The following ESRP1 variants were observed in gnomAD, a reference collection of about 807,000 sequenced individuals.
ESRP1 encodes RNA-binding motif protein 35A.
Under a neutral mutation model 81.7 loss-of-function variants are expected in ESRP1, and 33 were observed. That is an observed-to-expected ratio of 0.40 (90% CI 0.31 to 0.54). The LOEUF (loss-of-function observed/expected upper bound fraction) is 0.54. ESRP1 is among the 20% of genes least tolerant of loss of function. The pLI is 0.41. For missense variants in ESRP1, 672 were observed against 833.1 expected (o/e 0.81, Z 2.38); for synonymous variants, 320 against 303.3 (o/e 1.06, Z -0.57).
chr8:94,687,800 C>G (rs1043373224), intron 13 of ESRP1, among the ~76,000 whole-genome samples: 2 of 151,978 alleles, frequency 1.3e-5, no homozygotes, highest in African/African-American at 2.4e-5. Flanking sequence ...TTCATATATT[C>G]TAAATATGAG....
chr8:94,672,337 A>G (rs1819369359), intron 11 of ESRP1, among the ~76,000 whole-genome samples: 1 of 152,174 alleles, frequency 6.6e-6, no homozygotes, highest in African/African-American at 2.4e-5. Context: ...TTAATGAATG[A>G]GTTGCTGAGA....
chr8:94,668,789 A>ATGTGTGTGTGTGTGTGTGTGTG lies in ESRP1; in HGVS notation c.1233+558_1233+559insGTGTGTGTGTGTGTGTGTGTGT, dbSNP rs71303426. Among the ~76,000 whole-genome samples, 206 of 143,860 alleles carry ATGTGTGTGTGTGTGTGTGTGTG rather than the reference A, an allele frequency of 1.4e-3. 3 individuals carry two copies. Among genetic ancestry groups the ATGTGTGTGTGTGTGTGTGTGTG allele is most frequent in the Middle Eastern group, 3.5e-3 (1 of 282 alleles). 94.4% of individuals were successfully genotyped at this position (143,860 alleles called of 152,430 possible). On this transcript the variant is annotated intron_variant, in intron 10 of 15. Transcript: ENST00000433389. ...CTGTCCTGTTTTACTAGCTTTCAGCATGTGTGTGTGTGTGTGTGTTTGAGA... is the reference window on the plus strand; with the variant it reads ...CTGTCCTGTTTTACTAGCTTTCAGCATGTGTGTGTGTGTGTGTGTGTGTGTGTGTGTGTGTGTGTGTTTGAGA...
intron 13 of ESRP1, among the ~76,000 whole-genome samples, chr8:94,689,084 C>G (rs1809264297): frequency 6.6e-6 from 1 of 151,982 alleles, no homozygotes; most frequent in Admixed American, 6.6e-5. Context: ...AATCCTGTCT[C>G]TACTAAAAAT....
intron 12 of ESRP1, among the ~76,000 whole-genome samples, chr8:94,676,873 C>T (rs909477781): frequency 1.3e-5 from 2 of 151,830 alleles, no homozygotes; most frequent in Admixed American, 6.6e-5. Context: ...AGAATATGAA[C>T]CGGGCGCGGT....
chr8:94,671,507 A>T lies in ESRP1; in HGVS notation c.1288A>T (p.Ile430Phe). The change falls in exon 11 of 16, where the codon ATT becomes TTT. Residue 430 changes from isoleucine to phenylalanine, a missense_variant. Coordinates refer to ENST00000433389, the MANE Select transcript of ESRP1 (RefSeq NM_017697.4). ...CATTCCACTTCCAACCCCTCCCATT[A>T]TTCCAGTACTACCTCAGCAATTTGT... ...PLIPLPTPPI[I>F]PVLPQQFVPP... is the part of the protein sequence containing the mutation. 6.2e-7 allele frequency: 1 copy of T among 1,613,834 alleles called. No homozygotes were observed. Among genetic ancestry groups the T allele is most frequent in the Non-Finnish European group, 8.5e-7 (1 of 1,179,840 alleles).
rs1810091759 is a variant in ESRP1, at chr8:94,707,022, A to C, written c.*1133A>C. The C allele has an allele frequency of 6.6e-6, 1 of 152,230 alleles. No homozygotes were observed. The highest frequency in any genetic ancestry group is 2.1e-4 in the South Asian group (1 of 4,830). The allele number at this position is 152,230 out of a possible 1,614,324, so 9.4% of individuals were successfully genotyped here. ...GCTGTGTTTATGCTATAAAAGTGCA[A>C]TATTAGACACTAGCTAGTACTGCTG... On this transcript the variant is annotated 3_prime_UTR_variant, in exon 16 of 16. Coordinates refer to ENST00000433389, the MANE Select transcript of ESRP1 (RefSeq NM_017697.4).
chr8:94,641,877 G>A (rs1383699306), intron 1 of ESRP1, 79 bp from the exon 2 acceptor site: 1 of 1,575,268 alleles, frequency 6.3e-7, no homozygotes, highest in Non-Finnish European at 8.6e-7. Context: ...GGCCGCCCCA[G>A]CAGGGGAGCG....
At chr8:94,684,085 GC>G (rs1484537095) in intron 13 of ESRP1, among the ~76,000 whole-genome samples, 1 of 152,170 alleles carries the variant, frequency 6.6e-6, no homozygotes, top group African/African-American at 2.4e-5. Flanking sequence ...AAAATCAGGT[GC>G]TGTACTAGCC....
At chr8:94,673,370 T>G (rs1439019396) in intron 11 of ESRP1, among the ~76,000 whole-genome samples, 1 of 152,206 alleles carries the variant, frequency 6.6e-6, no homozygotes, top group East Asian at 1.9e-4. Context: ...TTAGGTGCCT[T>G]GAGGATGTTA....
Position 94,665,054 on chromosome 8 carries a change from A to G in ESRP1, c.883A>G (p.Ile295Val), listed in dbSNP as rs1268809163. Residue 295 changes from isoleucine to valine, a missense_variant, in exon 8 of 16, where the codon ATT becomes GTT. Coordinates refer to ENST00000433389, the MANE Select transcript of ESRP1 (RefSeq NM_017697.4). Reference protein sequence around the residue: ...RHKHHMGTRYIEVYKATGEDF... With the variant: ...RHKHHMGTRYVEVYKATGEDF... ...CAAACATCACATGGGGACCCGGTAT[A>G]TTGAGGTATGTCCTCAAAACCTGAA... is the stretch of plus-strand genomic sequence containing the variant. The G allele has an allele frequency of 6.2e-7, 1 of 1,613,854 alleles. No homozygotes were observed. The highest frequency in any genetic ancestry group is 2.2e-5 in the East Asian group (1 of 44,868).
At chr8:94,694,032 T>C (rs1241376386) in intron 14 of ESRP1, among the ~76,000 whole-genome samples, 2 of 152,242 alleles carry the variant, frequency 1.3e-5, no homozygotes, top group African/African-American at 4.8e-5. Context: ...AGTTACTTTT[T>C]AAACTTCCTA....
At chr8:94,649,505 T>TTAG (rs1818007976) in intron 4 of ESRP1, 1 of 152,068 alleles carries the variant, frequency 6.6e-6, no homozygotes, top group African/African-American at 2.4e-5. Flanking sequence ...TCTCAACTTT[T>TTAG]TATTATTATT....
Position 94,675,951 on chromosome 8 carries a change from G to A in ESRP1, c.1651+1445G>A, listed in dbSNP as rs564552058. Among the ~76,000 whole-genome samples the A allele has an allele frequency of 4.6e-5, 7 of 152,274 alleles. No homozygotes were observed. The South Asian group carries it at 1.5e-3, about 32-fold the overall frequency. On this transcript the variant is annotated intron_variant, in intron 12 of 15. Transcript: ENST00000433389. ...TCAAGACCAGCTTGAGCAACATAAC[G>A]AGTTTATGTTTCATTTAACTTTTAT...
At chr8:94,657,470 T>G (rs1330953703) in intron 4 of ESRP1, among the ~76,000 whole-genome samples, 1 of 105,592 alleles carries the variant, frequency 9.5e-6, no homozygotes, top group Non-Finnish European at 2.0e-5. Flanking sequence ...TGAGGCTGTG[T>G]GCGTGTGTGT....
At chr8:94,701,637 G>T (rs887735851) in intron 15 of ESRP1, among the ~76,000 whole-genome samples, 1 of 151,184 alleles carries the variant, frequency 6.6e-6, no homozygotes, top group African/African-American at 2.4e-5. Flanking sequence ...TAGAGACAAG[G>T]TCTCACTATG....
intron 10 of ESRP1, among the ~76,000 whole-genome samples, chr8:94,670,961 G>A (rs887038319): frequency 7.9e-5 from 12 of 152,116 alleles, no homozygotes; most frequent in Admixed American, 7.9e-4. Context: ...TTCTTTTACT[G>A]GGTCATTCTC....
At chr8:94,660,334 A>G (rs1350385533) in intron 4 of ESRP1, among the ~76,000 whole-genome samples, 1 of 152,156 alleles carries the variant, frequency 6.6e-6, no homozygotes, top group Non-Finnish European at 1.5e-5. Flanking sequence ...CGGGGTGGTG[A>G]CTCATGGCTG....
chr8:94,682,449 C>T (rs572731659), intron 13 of ESRP1, among the ~76,000 whole-genome samples: 1 of 152,316 alleles, frequency 6.6e-6, no homozygotes, highest in Non-Finnish European at 1.5e-5. Flanking sequence ...TCACTGCAGC[C>T]TTGATCTCCC....
At chr8:94,659,257 T>G (rs1181208239) in intron 4 of ESRP1, among the ~76,000 whole-genome samples, 1 of 152,238 alleles carries the variant, frequency 6.6e-6, no homozygotes, top group African/African-American at 2.4e-5. Context: ...TTGACACCAT[T>G]TTTCCAACAA....
Sources: allele counts gnomAD v4.1 joint callset (sites outside exome capture counted in the v4.1 genomes callset), GRCh38; gene constraint gnomAD v4.1.1; transcripts MANE v1.5; gene names NCBI Gene and HGNC (gene_info 2026-07-23, HGNC 2026-07-21).